The following RBM47 variants were observed in gnomAD, a reference collection of about 807,000 sequenced individuals.
The protein encoded by RBM47 is RNA-binding protein 47.
RBM47 carries 21 observed loss-of-function variants against 47.1 expected under a neutral mutation model. The observed-to-expected ratio is 0.45, with a 90% CI of 0.32 to 0.64. The LOEUF is 0.64. Among genes scored for constraint, RBM47 ranks in the 30% least tolerant of loss-of-function variants. RBM47 has a pLI of 0.05. For synonymous variants in RBM47, 375 were observed against 361.7 expected, an observed-to-expected ratio of 1.04 and a Z score of -0.42; for missense variants, 708 against 870.9, an observed-to-expected ratio of 0.81 and a Z score of 2.35.
chr4:40,518,528 C>T (rs1725861380), intron 2 of RBM47, among the ~76,000 whole-genome samples: 1 of 152,080 alleles, frequency 6.6e-6, no homozygotes, highest in Non-Finnish European at 1.5e-5. Context: ...ATATATGACA[C>T]CTCATTTAAT....
intron 2 of RBM47, among the ~76,000 whole-genome samples, chr4:40,529,297 C>A (rs1727114293): frequency 6.6e-6 from 1 of 151,536 alleles, no homozygotes; most frequent in African/African-American, 2.4e-5. Flanking sequence ...CACTTGAGGT[C>A]AGGAGTTTGA....
chr4:40,451,756 C>A (rs1254989332), intron 3 of RBM47, among the ~76,000 whole-genome samples: 1 of 152,170 alleles, frequency 6.6e-6, no homozygotes, highest in Non-Finnish European at 1.5e-5. Context: ...GATTCATTCC[C>A]TCGCTCATTC....
chr4:40,566,395 C>T (rs987875566), intron 1 of RBM47, among the ~76,000 whole-genome samples: 2 of 152,046 alleles, frequency 1.3e-5, no homozygotes, highest in Non-Finnish European at 1.5e-5. Context: ...GCCTGTAATC[C>T]CAGCACTTTG....
At chr4:40,620,505 C>CA (rs1446853990) in intron 1 of RBM47, among the ~76,000 whole-genome samples, 7 of 148,376 alleles carry the variant, frequency 4.7e-5, no homozygotes, top group South Asian at 4.3e-4. Flanking sequence ...GACTCCATCT[C>CA]AAAAAAAAAC....
At chr4:40,568,677 G>C (rs899930475) in intron 1 of RBM47, among the ~76,000 whole-genome samples, 2 of 151,744 alleles carry the variant, frequency 1.3e-5, no homozygotes, top group African/African-American at 4.8e-5. Flanking sequence ...TCTGACTGAC[G>C]GGCCACTAGC....
At chr4:40,584,443 A>G (rs1305567839) in intron 1 of RBM47, among the ~76,000 whole-genome samples, 1 of 152,184 alleles carries the variant, frequency 6.6e-6, no homozygotes, top group Non-Finnish European at 1.5e-5. Flanking sequence ...CCACATTTTA[A>G]AAGCGTAAAA....
chr4:40,502,448 G>A (rs546299995), intron 2 of RBM47, among the ~76,000 whole-genome samples: 45 of 152,326 alleles, frequency 3.0e-4, no homozygotes, highest in African/African-American at 1.1e-3. Flanking sequence ...AGCTAAGACA[G>A]TGTTTTTCCC....
chr4:40,504,067 G>A (rs1723758702), intron 2 of RBM47, among the ~76,000 whole-genome samples: 1 of 152,022 alleles, frequency 6.6e-6, no homozygotes, highest in Non-Finnish European at 1.5e-5. Flanking sequence ...CATTATGGGT[G>A]GGAATTAGAG....
chr4:40,597,259 C>CA (rs1437496872), intron 1 of RBM47, among the ~76,000 whole-genome samples: 62 of 135,744 alleles, frequency 4.6e-4, no homozygotes, highest in Non-Finnish European at 5.4e-4. Flanking sequence ...GATTCCATCT[C>CA]AAAAAAAAAA....
At chr4:40,475,144 G>A (rs902070217) in intron 2 of RBM47, among the ~76,000 whole-genome samples, 4 of 152,010 alleles carry the variant, frequency 2.6e-5, no homozygotes, top group Non-Finnish European at 4.4e-5. Context: ...TTAACTATTG[G>A]TTTGAAAACA....
At chr4:40,488,661 C>T (rs1721455065) in intron 2 of RBM47, among the ~76,000 whole-genome samples, 1 of 152,106 alleles carries the variant, frequency 6.6e-6, no homozygotes, top group Admixed American at 6.5e-5. Context: ...CCTGGTAGTA[C>T]ATACAGGAGA....
chr4:40,488,196 C>T (rs566091340), intron 2 of RBM47, among the ~76,000 whole-genome samples: 14 of 152,046 alleles, frequency 9.2e-5, no homozygotes, highest in East Asian at 5.8e-4. Context: ...CACCTGTAAT[C>T]GCCACTACTC....
At position 40,424,247 on chromosome 4, in the gene RBM47, T is replaced by A. The variant is rs530308321; in HGVS notation, c.*1657A>T. On this transcript the variant is annotated 3_prime_UTR_variant, in exon 7 of 7. Coordinates refer to ENST00000295971, the MANE Select transcript of RBM47 (RefSeq NM_001098634.2). ...TGGAAAATTGTATGGATCTCTAACA[T>A]GACATAAAAACGCAACTGCGTTTTA... The A allele has an allele frequency of 6.5e-5, 10 of 152,720 alleles. No homozygotes were observed. The East Asian group carries it at 1.7e-3, about 27-fold the overall frequency. 9.5% of individuals were successfully genotyped at this position (152,720 alleles called of 1,614,324 possible). A position where few individuals can be genotyped will look rare whatever the true frequency, so the allele number is the denominator to read the frequency against.
intron 2 of RBM47, among the ~76,000 whole-genome samples, chr4:40,523,781 C>T (rs142521613): frequency 1.4e-3 from 206 of 151,464 alleles, no homozygotes; most frequent in African/African-American, 4.8e-3. Flanking sequence ...GGGAGGATTA[C>T]CTGAGCCTGG....
At position 40,574,589 on chromosome 4, in the gene RBM47, C is replaced by T. The variant is rs191909109; in HGVS notation, c.-239-30083G>A. Among the ~76,000 whole-genome samples, 301 of 152,298 alleles carry T rather than the reference C, an allele frequency of 2.0e-3. 1 individual carries two copies. The highest frequency in any genetic ancestry group is 7.0e-3 in the African/African-American group (290 of 41,546). Reference sequence around the variant, plus strand: ...AATGGGCTGGGTGTGGTGGCTCACGCCTGTAATCCCAGCACTTTGGGAAGC... The same window carrying T: ...AATGGGCTGGGTGTGGTGGCTCACGTCTGTAATCCCAGCACTTTGGGAAGC... On this transcript the variant is annotated intron_variant, in intron 1 of 6. Transcript: ENST00000295971.
chr4:40,533,673 T>C (rs1213975242), intron 2 of RBM47, among the ~76,000 whole-genome samples: 1 of 152,144 alleles, frequency 6.6e-6, no homozygotes, highest in Non-Finnish European at 1.5e-5. Context: ...TCTCAGTCTG[T>C]CACCCAGGCT....
intron 1 of RBM47, among the ~76,000 whole-genome samples, chr4:40,561,170 C>G (rs1326747553): frequency 1.3e-5 from 2 of 151,686 alleles, no homozygotes; most frequent in Non-Finnish European, 2.9e-5. Context: ...TTATAAAGTG[C>G]CCAAGAGGCA....
chr4:40,610,545 G>A (rs1234660842), intron 1 of RBM47, among the ~76,000 whole-genome samples: 1 of 148,712 alleles, frequency 6.7e-6, no homozygotes, highest in African/African-American at 2.5e-5. Flanking sequence ...GGGCGGTGGA[G>A]CTTGCAGTGA....
chr4:40,616,503 A>G (rs915722904), intron 1 of RBM47, among the ~76,000 whole-genome samples: 52 of 152,094 alleles, frequency 3.4e-4, no homozygotes, highest in Non-Finnish European at 6.5e-4. Context: ...CGCTAAAAAC[A>G]AACGGATAAA....
Sources: gnomAD v4.1 joint callset for allele counts (sites outside exome capture counted in the v4.1 genomes callset) on GRCh38, gnomAD v4.1.1 for gene constraint, MANE v1.5 for transcripts, NCBI Gene and HGNC (gene_info 2026-07-23, HGNC 2026-07-21) for gene names.